IMMP2L: variants seen among roughly 807,000 people sequenced by gnomAD.
The protein encoded by IMMP2L is mitochondrial inner membrane protease subunit 2.
IMMP2L carries 18 observed loss-of-function variants against 19.3 expected under a neutral mutation model. The observed-to-expected ratio is 0.93, with a 90% confidence interval of 0.64 to 1.38. IMMP2L has a LOEUF of 1.38. Ranked by LOEUF, IMMP2L falls within the 40% of genes most tolerant of loss-of-function variation. The pLI, the probability that IMMP2L is intolerant of heterozygous loss-of-function variation, is 0.00. For missense variants in IMMP2L, 233 were observed against 218.2 expected, an observed-to-expected ratio of 1.07 and a Z score of -0.43; for synonymous variants, 76 against 73.0, an observed-to-expected ratio of 1.04 and a Z score of -0.21.
chr7:111,175,624 A>G (rs1806965805), intron 3 of IMMP2L, among the ~76,000 whole-genome samples: 1 of 151,840 alleles, frequency 6.6e-6, no homozygotes, highest in Non-Finnish European at 1.5e-5. Context: ...ACAAAAATCA[A>G]ATCAAAATGG....
At chr7:111,209,329 G>A (rs975353226) in intron 3 of IMMP2L, among the ~76,000 whole-genome samples, 3 of 150,602 alleles carry the variant, frequency 2.0e-5, no homozygotes, top group South Asian at 2.1e-4. Context: ...CCCAGGAGAC[G>A]GAGGTTGCAG....
intron 3 of IMMP2L, among the ~76,000 whole-genome samples, chr7:111,427,834 G>C (rs1836237496): frequency 6.6e-6 from 1 of 151,728 alleles, no homozygotes; most frequent in Non-Finnish European, 1.5e-5. Context: ...ATGTCATTAA[G>C]AGCAAATACA....
At position 111,124,189 on chromosome 7, in the gene IMMP2L, T is replaced by C. The variant is rs200450611; in HGVS notation, c.240-160624A>G. On this transcript the variant is annotated intron_variant, in intron 3 of 5. Coordinates refer to ENST00000405709, the MANE Select transcript of IMMP2L (RefSeq NM_032549.4). ...CTTGCCTAATACCCTGACAGACAAG[T>C]TCTATGTCCATTCTGAGGGAACACT... 8.7e-6 allele frequency: 14 copies of C among 1,613,924 alleles called. No individual in the cohort carries two copies. In the East Asian group the frequency reaches 2.7e-4, roughly 31 times the overall value.
chr7:110,767,305 G>C (rs1198461937), intron 5 of IMMP2L, among the ~76,000 whole-genome samples: 1 of 152,132 alleles, frequency 6.6e-6, no homozygotes, highest in Admixed American at 6.6e-5. Context: ...TCATGCATGG[G>C]AGAAACGATG....
At chr7:111,517,624 A>G (rs1845981063) in intron 2 of IMMP2L, among the ~76,000 whole-genome samples, 1 of 152,124 alleles carries the variant, frequency 6.6e-6, no homozygotes, top group African/African-American at 2.4e-5. Context: ...AACTATTCCT[A>G]GGGCACCCTT....
At chr7:110,875,154 T>C (rs1808940890) in intron 5 of IMMP2L, among the ~76,000 whole-genome samples, 1 of 152,124 alleles carries the variant, frequency 6.6e-6, no homozygotes, top group African/African-American at 2.4e-5. Flanking sequence ...GTAATGCCCA[T>C]CTGGGCAAAA....
chr7:110,979,868 T>G (rs1397739599), intron 3 of IMMP2L, among the ~76,000 whole-genome samples: 1 of 152,146 alleles, frequency 6.6e-6, no homozygotes, highest in Non-Finnish European at 1.5e-5. Flanking sequence ...TCACACAGCT[T>G]TATAAATATA....
intron 3 of IMMP2L, among the ~76,000 whole-genome samples, chr7:111,300,574 G>T (rs538266560): frequency 1.3e-5 from 2 of 152,076 alleles, no homozygotes; most frequent in African/African-American, 4.8e-5. Flanking sequence ...TCACCACAAG[G>T]ATGCCTTCTG....
intron 5 of IMMP2L, among the ~76,000 whole-genome samples, chr7:110,822,081 G>A (rs547898210): frequency 6.6e-6 from 1 of 152,068 alleles, no homozygotes. Flanking sequence ...ATCCTGACAA[G>A]TAAGATTTAA....
At chr7:111,501,194 G>T (rs1302945852) in intron 2 of IMMP2L, among the ~76,000 whole-genome samples, 4 of 152,108 alleles carry the variant, frequency 2.6e-5, no homozygotes, top group Non-Finnish European at 5.9e-5. Flanking sequence ...CTCAGGAGCC[G>T]ATGCGATCAA....
chr7:111,322,582 G>A (rs1824846956), intron 3 of IMMP2L, among the ~76,000 whole-genome samples: 2 of 151,396 alleles, frequency 1.3e-5, no homozygotes, highest in Admixed American at 1.3e-4. Context: ...TATCTGGGTG[G>A]TAGAAGGAAC....
At chr7:111,506,034 G>A (rs903140351) in intron 2 of IMMP2L, among the ~76,000 whole-genome samples, 1 of 151,836 alleles carries the variant, frequency 6.6e-6, no homozygotes. Flanking sequence ...AGCTTCTTGG[G>A]AGGCGGGAGG....
At chr7:111,008,947 T>C (rs1824609553) in intron 3 of IMMP2L, among the ~76,000 whole-genome samples, 1 of 152,148 alleles carries the variant, frequency 6.6e-6, no homozygotes, top group Admixed American at 6.6e-5. Context: ...GTCATCTCAG[T>C]GTCAGTTATT....
chr7:111,502,167 A>T lies in IMMP2L; in HGVS notation c.136-14826T>A, dbSNP rs560494823. Among the ~76,000 whole-genome samples the T allele has an allele frequency of 8.7e-4, 133 of 152,282 alleles. 1 individual carries two copies. Among genetic ancestry groups the T allele is most frequent in the Admixed American group, 2.4e-3 (36 of 15,308 alleles). ...AAAACAAAAAAAGGCAGGGATTGCA[A>T]TCCTAGTCTCTGACAAAACAGACTT... On this transcript the variant is annotated intron_variant, in intron 2 of 5. Coordinates refer to ENST00000405709, the MANE Select transcript of IMMP2L (RefSeq NM_032549.4).
intron 3 of IMMP2L, among the ~76,000 whole-genome samples, chr7:110,999,828 C>G (rs180876831): frequency 6.6e-6 from 1 of 152,016 alleles, no homozygotes; most frequent in South Asian, 2.1e-4. Flanking sequence ...TATTCCTCAC[C>G]GAGTCTTTTC....
intron 3 of IMMP2L, among the ~76,000 whole-genome samples, chr7:111,471,135 C>G (rs1841227710): frequency 6.6e-6 from 1 of 151,942 alleles, no homozygotes; most frequent in Non-Finnish European, 1.5e-5. Flanking sequence ...AGATAGAAGT[C>G]TGATTTTACT....
rs572461338 is a variant in IMMP2L at position 110,911,653 on chromosome 7, T to C, written c.306-24958A>G. On this transcript the variant is annotated intron_variant, in intron 4 of 5. Transcript: ENST00000405709. ...GGGTCAGGTATCAAACTCATGGCAT[T>C]GAACAGAATTGCAAATGTTTTTCCT... Among the ~76,000 whole-genome samples the C allele has an allele frequency of 5.1e-4, 78 of 152,250 alleles. 1 individual carries two copies. Among genetic ancestry groups the C allele is most frequent in the African/African-American group, 1.8e-3 (74 of 41,566 alleles).
chr7:111,197,253 G>A (rs933686269), intron 3 of IMMP2L, among the ~76,000 whole-genome samples: 4 of 152,080 alleles, frequency 2.6e-5, no homozygotes, highest in Non-Finnish European at 5.9e-5. Flanking sequence ...ACGAGGTCAG[G>A]AGATGGATAC....
At chr7:111,539,097 G>A (rs980182605) in intron 1 of IMMP2L, among the ~76,000 whole-genome samples, 6 of 147,030 alleles carry the variant, frequency 4.1e-5, no homozygotes, top group Non-Finnish European at 7.4e-5. Context: ...CAGCCTTGGC[G>A]ACAGAACAAG....
Sources: gnomAD v4.1 joint callset for allele counts (sites outside exome capture counted in the v4.1 genomes callset) on GRCh38, gnomAD v4.1.1 for gene constraint, MANE v1.5 for transcripts, NCBI Gene and HGNC (gene_info 2026-07-23, HGNC 2026-07-21) for gene names.